UBE4B: variants seen among roughly 807,000 people sequenced by gnomAD.
UBE4B encodes the protein ubiquitin conjugation factor E4 B.
UBE4B carries 27 observed loss-of-function variants against 148.1 expected under a neutral mutation model. The ratio of observed to expected loss-of-function variants is 0.18; its 90% CI spans 0.13 to 0.25. The LOEUF (loss-of-function observed/expected upper bound fraction) is 0.25, where lower values mean the gene tolerates loss of function less well. UBE4B is among the 10% of genes least tolerant of loss of function. The pLI is 1.00. For synonymous variants in UBE4B, 596 were observed against 619.3 expected (o/e 0.96, Z 0.56); for missense variants, 1,170 against 1,662.4 (o/e 0.70, Z 5.15).
At chr1:10,085,254 G>A (rs146769102) in intron 2 of UBE4B, among the ~76,000 whole-genome samples, 148 of 152,266 alleles carry the variant, frequency 9.7e-4, no homozygotes, top group African/African-American at 3.1e-3. Flanking sequence ...CCTATCCTTA[G>A]TGAAGCAAAA....
intron 1 of UBE4B, among the ~76,000 whole-genome samples, chr1:10,053,541 C>G (rs2101798124): frequency 6.6e-6 from 1 of 152,108 alleles, no homozygotes. Flanking sequence ...GGTATATGGG[C>G]TGGATGTGTA....
intron 14 of UBE4B, 88 bp from the exon 15 acceptor site, chr1:10,132,281 G>A: frequency 1.1e-6 from 1 of 918,190 alleles, no homozygotes. Flanking sequence ...AGAGAACGTG[G>A]GAAGTAGGCT....
At chr1:10,081,908 TCTCA>T (rs1235581735) in intron 2 of UBE4B, among the ~76,000 whole-genome samples, 1 of 152,190 alleles carries the variant, frequency 6.6e-6, no homozygotes, top group African/African-American at 2.4e-5. Context: ...GCAGACAAGT[TCTCA>T]CTATGTTACC....
intron 21 of UBE4B, among the ~76,000 whole-genome samples, chr1:10,152,569 G>A (rs1001107329): frequency 1.3e-5 from 2 of 151,650 alleles, no homozygotes; most frequent in Non-Finnish European, 2.9e-5. Context: ...AGGCCGAGGC[G>A]GGTGGATCAC....
At chr1:10,065,052 C>A (rs540419027) in intron 1 of UBE4B, among the ~76,000 whole-genome samples, 8 of 152,122 alleles carry the variant, frequency 5.3e-5, no homozygotes, top group Non-Finnish European at 5.9e-5. Context: ...TGTGAGCCAC[C>A]GCGCCTGGCC....
At chr1:10,081,389 T>C (rs1338872096) in intron 2 of UBE4B, among the ~76,000 whole-genome samples, 2 of 151,886 alleles carry the variant, frequency 1.3e-5, no homozygotes, top group South Asian at 2.1e-4. Flanking sequence ...TTATATAATA[T>C]AGGGAACAAC....
At chr1:10,080,801 G>A (rs1294318758) in intron 2 of UBE4B, among the ~76,000 whole-genome samples, 1 of 152,190 alleles carries the variant, frequency 6.6e-6, no homozygotes, top group Admixed American at 6.5e-5. Flanking sequence ...AGTGAAATAA[G>A]CCAGGCACAG....
chr1:10,112,610 G>A (rs1223001183), intron 7 of UBE4B, among the ~76,000 whole-genome samples: 1 of 152,144 alleles, frequency 6.6e-6, no homozygotes, highest in African/African-American at 2.4e-5. Context: ...ACATTGGCCA[G>A]GCTGGTCTTG....
intron 2 of UBE4B, among the ~76,000 whole-genome samples, chr1:10,094,970 G>A (rs912021115): frequency 4.6e-5 from 7 of 152,058 alleles, no homozygotes; most frequent in Admixed American, 3.3e-4. Flanking sequence ...ATAGACATGA[G>A]GTTTCACCAT....
At chr1:10,056,607 C>T (rs1168170730) in intron 1 of UBE4B, among the ~76,000 whole-genome samples, 1 of 152,140 alleles carries the variant, frequency 6.6e-6, no homozygotes, top group African/African-American at 2.4e-5. Flanking sequence ...TTTCTGATGA[C>T]TATTTTATAA....
At chr1:10,170,295 C>T (rs1646319983) in intron 24 of UBE4B, among the ~76,000 whole-genome samples, 1 of 152,188 alleles carries the variant, frequency 6.6e-6, no homozygotes, top group South Asian at 2.1e-4. Flanking sequence ...TATTTCACAG[C>T]TTCTCAACAG....
chr1:10,175,626 G>T (rs941346575), intron 25 of UBE4B, among the ~76,000 whole-genome samples: 2 of 151,940 alleles, frequency 1.3e-5, no homozygotes, highest in Non-Finnish European at 2.9e-5. Flanking sequence ...ACTCCAGCCT[G>T]GGCGACAGAG....
intron 25 of UBE4B, among the ~76,000 whole-genome samples, chr1:10,176,784 CTTT>C (rs946016031): frequency 1.6e-5 from 2 of 121,774 alleles, no homozygotes; most frequent in Non-Finnish European, 3.5e-5. Context: ...TTTTCTTTTT[CTTT>C]TTTTTTTTTT....
At chr1:10,119,725 C>A in intron 9 of UBE4B, 112 bp downstream of exon 9, 1 of 848,728 alleles carries the variant, frequency 1.2e-6, no homozygotes, top group South Asian at 1.6e-5. Flanking sequence ...CCTTCCTCAC[C>A]TGTAAAATGA....
intron 17 of UBE4B, among the ~76,000 whole-genome samples, chr1:10,143,358 G>T (rs1392948506): frequency 2.0e-5 from 3 of 151,942 alleles, no homozygotes. Context: ...GCCAGATGAT[G>T]CCAGTTTACT....
At chr1:10,109,452 C>G (rs908253827) in intron 7 of UBE4B, among the ~76,000 whole-genome samples, 3 of 152,168 alleles carry the variant, frequency 2.0e-5, no homozygotes, top group Non-Finnish European at 2.9e-5. Flanking sequence ...AATGCCATCC[C>G]AGTCAGTTGA....
At chr1:10,129,593 T>G (rs1177344948) in intron 12 of UBE4B, 145 bp downstream of exon 12, 28 of 672,532 alleles carry the variant, frequency 4.2e-5, no homozygotes, top group Non-Finnish European at 6.1e-5. Flanking sequence ...GGCTCTCAAC[T>G]GTTACATTTT....
At chr1:10,076,904 G>A (rs746988530) in intron 2 of UBE4B, among the ~76,000 whole-genome samples, 13 of 151,408 alleles carry the variant, frequency 8.6e-5, no homozygotes, top group Non-Finnish European at 1.8e-4. Flanking sequence ...CTGCCACCAC[G>A]CCTGGCTAAT....
chr1:10,033,803 C>A, intron 1 of UBE4B, 109 bp downstream of exon 1: 1 of 1,182,944 alleles, frequency 8.5e-7, no homozygotes. Flanking sequence ...GGAGAAGGAA[C>A]GGAGATGATA....
Sources: allele counts gnomAD v4.1 joint callset (sites outside exome capture counted in the v4.1 genomes callset), GRCh38; gene constraint gnomAD v4.1.1; transcripts MANE v1.5; gene names NCBI Gene and HGNC (gene_info 2026-07-23, HGNC 2026-07-21).